SAMTOR: variants seen among roughly 807,000 people sequenced by gnomAD.
SAMTOR encodes S-adenosylmethionine sensor upstream of mTORC1.
At chr7:112,821,680 A>T in the SAMTOR span, 1 of 1,442,974 alleles carries the variant, frequency 6.9e-7, no homozygotes, top group Non-Finnish European at 9.3e-7. Flanking sequence ...TCATGTTAGT[A>T]TTTCCAATTG....
At chr7:112,903,670 G>A in the SAMTOR span, among the ~76,000 whole-genome samples, 1 of 152,158 alleles carries the variant, frequency 6.6e-6, no homozygotes, top group Non-Finnish European at 1.5e-5. Context: ...CAGAGAGCAA[G>A]AGAGAAAAAG....
chr7:112,882,918 C>T, the SAMTOR span, among the ~76,000 whole-genome samples: 1 of 151,720 alleles, frequency 6.6e-6, no homozygotes, highest in East Asian at 1.9e-4. Context: ...TAACTTAAAA[C>T]AAAAACTCCT....
the SAMTOR span, among the ~76,000 whole-genome samples, chr7:112,925,461 A>G: frequency 6.6e-6 from 1 of 152,210 alleles, no homozygotes; most frequent in Non-Finnish European, 1.5e-5. Context: ...TAAAACAAAC[A>G]TATTTTCTTT....
chr7:112,902,447 A>AAC, the SAMTOR span, among the ~76,000 whole-genome samples: 1 of 129,372 alleles, frequency 7.7e-6, no homozygotes, highest in Middle Eastern at 3.8e-3. Flanking sequence ...AACAAAAAAA[A>AAC]ACAAAAAAAA....
At chr7:112,901,333 C>G in the SAMTOR span, among the ~76,000 whole-genome samples, 4 of 152,144 alleles carry the variant, frequency 2.6e-5, no homozygotes, top group Non-Finnish European at 4.4e-5. Context: ...AGCACGAACC[C>G]TTATTGTGAA....
chr7:112,909,012 C>T, the SAMTOR span, among the ~76,000 whole-genome samples: 24 of 152,096 alleles, frequency 1.6e-4, no homozygotes, highest in African/African-American at 5.6e-4. Flanking sequence ...GGCAAATGAC[C>T]GTAACAACTG....
the SAMTOR span, among the ~76,000 whole-genome samples, chr7:112,893,572 A>T: frequency 2.0e-5 from 3 of 152,198 alleles, no homozygotes; most frequent in East Asian, 5.8e-4. Flanking sequence ...AACTTTCTCC[A>T]CATCCACAAT....
the SAMTOR span, among the ~76,000 whole-genome samples, chr7:112,922,052 C>T: frequency 6.6e-6 from 1 of 152,134 alleles, no homozygotes; most frequent in Non-Finnish European, 1.5e-5. Context: ...CTGCAACCTC[C>T]CTGCCTGATT....
the SAMTOR span, chr7:112,939,581 C>T: frequency 1.2e-6 from 2 of 1,613,976 alleles, no homozygotes; most frequent in East Asian, 2.2e-5. Context: ...TCACTCAGCG[C>T]GCTGTTTACC....
chr7:112,893,486 T>A, the SAMTOR span, among the ~76,000 whole-genome samples: 4 of 152,128 alleles, frequency 2.6e-5, no homozygotes, highest in African/African-American at 9.7e-5. Context: ...TTGAAGAGAG[T>A]TAGACCCTTG....
the SAMTOR span, among the ~76,000 whole-genome samples, chr7:112,861,827 G>A: frequency 6.6e-6 from 1 of 152,068 alleles, no homozygotes. Context: ...ACCTTTTCCC[G>A]AATAGTCTAC....
At chr7:112,870,008 T>C in the SAMTOR span, among the ~76,000 whole-genome samples, 1 of 151,828 alleles carries the variant, frequency 6.6e-6, no homozygotes, top group East Asian at 1.9e-4. Flanking sequence ...CAAATAAAAA[T>C]AAGAAGAAGA....
chr7:112,822,237 A>G, the SAMTOR span: 1 of 1,613,670 alleles, frequency 6.2e-7, no homozygotes. Context: ...GAGAGAGAAA[A>G]CAACCACATG....
chr7:112,871,795 CA>C, the SAMTOR span, among the ~76,000 whole-genome samples: 3 of 152,086 alleles, frequency 2.0e-5, no homozygotes, highest in Non-Finnish European at 4.4e-5. Flanking sequence ...TTCAAATAAG[CA>C]AAATCAGAAA....
the SAMTOR span, among the ~76,000 whole-genome samples, chr7:112,859,806 T>C: frequency 6.6e-6 from 1 of 152,008 alleles, no homozygotes; most frequent in Non-Finnish European, 1.5e-5. Flanking sequence ...TGCAAAGGAG[T>C]CAAAAAGTTA....
the SAMTOR span, among the ~76,000 whole-genome samples, chr7:112,908,220 C>A: frequency 6.6e-6 from 1 of 152,154 alleles, no homozygotes; most frequent in Non-Finnish European, 1.5e-5. Context: ...AAGCAGACTG[C>A]CTTTCCTTAA....
At chr7:112,831,488 C>T in the SAMTOR span, among the ~76,000 whole-genome samples, 2 of 152,092 alleles carry the variant, frequency 1.3e-5, no homozygotes, top group Non-Finnish European at 2.9e-5. Context: ...GAAACCCTGT[C>T]TCTACCAAAA....
the SAMTOR span, among the ~76,000 whole-genome samples, chr7:112,870,364 G>A: frequency 6.6e-6 from 1 of 152,066 alleles, no homozygotes; most frequent in East Asian, 1.9e-4. Flanking sequence ...TAAGAGATTG[G>A]GCTCCCGCTC....
At chr7:112,871,876 A>G in the SAMTOR span, among the ~76,000 whole-genome samples, 25 of 152,348 alleles carry the variant, frequency 1.6e-4, no homozygotes, top group African/African-American at 5.8e-4. Context: ...GAACACCTCT[A>G]TGCTCACAAA....
Sources: allele counts gnomAD v4.1 joint callset (sites outside exome capture counted in the v4.1 genomes callset), GRCh38; gene constraint gnomAD v4.1.1; transcripts MANE v1.5; gene names NCBI Gene and HGNC (gene_info 2026-07-23, HGNC 2026-07-21).